The following PALLD variants were observed in gnomAD, a reference collection of about 807,000 sequenced individuals.
PALLD encodes palladin.
PALLD carries 61 observed loss-of-function variants against 123.5 expected under a neutral mutation model. The observed-to-expected ratio is 0.49, with a 90% CI of 0.40 to 0.61. The LOEUF (loss-of-function observed/expected upper bound fraction) is 0.61, where lower values mean the gene tolerates loss of function less well. Among genes scored for constraint, PALLD ranks in the 20% least tolerant of loss-of-function variants. The pLI, the probability that PALLD is intolerant of heterozygous loss-of-function variation, is 0.00. For synonymous variants in PALLD, 465 were observed against 496.4 expected, an observed-to-expected ratio of 0.94 and a Z score of 0.84; for missense variants, 1,273 against 1,377.0, an observed-to-expected ratio of 0.92 and a Z score of 1.20.
intron 10 of PALLD, among the ~76,000 whole-genome samples, chr4:168,782,926 CA>C (rs1489667055): frequency 6.7e-6 from 1 of 149,884 alleles, no homozygotes; most frequent in East Asian, 1.9e-4. Flanking sequence ...AAATAAAAAA[CA>C]ACAAAAAAAA....
At chr4:168,798,675 G>GA (rs1738860596) in intron 10 of PALLD, among the ~76,000 whole-genome samples, 1 of 152,064 alleles carries the variant, frequency 6.6e-6, no homozygotes, top group Non-Finnish European at 1.5e-5. Flanking sequence ...TTAAAAAGTG[G>GA]AACCGTATTG....
chr4:168,726,497 A>T (rs922415117), intron 10 of PALLD, among the ~76,000 whole-genome samples: 1 of 151,954 alleles, frequency 6.6e-6, no homozygotes, highest in African/African-American at 2.4e-5. Flanking sequence ...AGACATTTTT[A>T]ATTTTTTTCT....
intron 2 of PALLD, among the ~76,000 whole-genome samples, chr4:168,661,811 T>G (rs1779163118): frequency 6.6e-6 from 1 of 152,190 alleles, no homozygotes; most frequent in African/African-American, 2.4e-5. Flanking sequence ...ACTACGTGGT[T>G]TTTATTGTTT....
chr4:168,553,980 C>T (rs1580283556), intron 2 of PALLD, among the ~76,000 whole-genome samples: 1 of 152,138 alleles, frequency 6.6e-6, no homozygotes, highest in Admixed American at 6.5e-5. Flanking sequence ...AAAAACTGTT[C>T]ATTTACCACA....
rs776143139 is a variant in PALLD at position 168,903,886 on chromosome 4, A to G, written c.2602A>G (p.Ile868Val). The G allele has an allele frequency of 2.5e-6, 4 of 1,614,116 alleles. No homozygotes were observed. Among genetic ancestry groups the G allele is most frequent in the Admixed American group, 1.7e-5 (1 of 60,032 alleles). ...CCTAGATGATGATGGGAATTATACA[A>G]TTATGGCTGCAAACCCTCAGGTAAA... ...STLDDDGNYTIMAANPQGRIS... is the reference protein window; with the variant it reads ...STLDDDGNYTVMAANPQGRIS... The change falls in exon 15 of 22, where the codon ATT becomes GTT. Residue 868 changes from isoleucine to valine, a missense_variant. Physicochemically the swap from Ile to Val is conservative, Grantham distance 29. This residue lies in a region of PALLD where 329 missense variants were observed against 422.5 expected (regional missense o/e 0.78). Transcript: ENST00000505667.
chr4:168,716,079 T>A (rs535640203), intron 10 of PALLD, among the ~76,000 whole-genome samples: 1 of 152,344 alleles, frequency 6.6e-6, no homozygotes, highest in South Asian at 2.1e-4. Flanking sequence ...GTCATGTTTT[T>A]CCACTGAGCT....
chr4:168,759,192 AAAAAAAAAAAATAT>A (rs1386092587), intron 10 of PALLD, among the ~76,000 whole-genome samples: 2 of 36,350 alleles, frequency 5.5e-5, no homozygotes, highest in African/African-American at 2.8e-4. Context: ...AAAAAAAAAA[AAAAAAAAAAAATAT>A]ATATATATAT....
intron 14 of PALLD, among the ~76,000 whole-genome samples, chr4:168,902,369 TG>T (rs1553972426): frequency 6.6e-6 from 1 of 152,114 alleles, no homozygotes. Flanking sequence ...AGTCTGCAGG[TG>T]GGGTGATGTA....
intron 14 of PALLD, 48 bp from the exon 15 acceptor site, chr4:168,903,709 G>A (rs746241917): frequency 5.5e-6 from 8 of 1,457,352 alleles, no homozygotes; most frequent in Non-Finnish European, 6.7e-6. Context: ...TCCAAATAGA[G>A]TAGGAATACA....
In PALLD at chr4:168,690,643, T is replaced by G. The variant is rs1242422277; in HGVS notation, c.1376T>G (p.Val459Gly). ...NTAVAEGQVV[V>G]LECRVRGAPP... Reference sequence around the variant, plus strand: ...GCCGTGGCGGAAGGCCAGGTGGTGGTTCTGGAGTGCCGGGTCCGTGGGGCA... The same window carrying G: ...GCCGTGGCGGAAGGCCAGGTGGTGGGTCTGGAGTGCCGGGTCCGTGGGGCA... Residue 459 changes from valine to glycine, a missense_variant, in exon 7 of 22, where the codon GTT (valine) becomes GGT (glycine). Coordinates refer to ENST00000505667, the MANE Select transcript of PALLD (RefSeq NM_001166108.2). The G allele has an allele frequency of 6.8e-6, 11 of 1,614,078 alleles. No individual in the cohort carries two copies. The highest frequency in any genetic ancestry group is 1.3e-5 in the African/African-American group (1 of 74,932).
At chr4:168,811,416 T>C (rs1741096343) in intron 10 of PALLD, among the ~76,000 whole-genome samples, 1 of 152,166 alleles carries the variant, frequency 6.6e-6, no homozygotes, top group Admixed American at 6.5e-5. Context: ...AGGAAGTGTA[T>C]TTTTAATCAG....
chr4:168,732,485 C>T (rs889373451), intron 10 of PALLD, among the ~76,000 whole-genome samples: 8 of 152,186 alleles, frequency 5.3e-5, no homozygotes, highest in African/African-American at 1.9e-4. Flanking sequence ...CTCTTCCACT[C>T]TTGTTTCCTC....
chr4:168,532,452 T>TAGG (rs1211370755), intron 2 of PALLD, among the ~76,000 whole-genome samples: 2 of 152,176 alleles, frequency 1.3e-5, no homozygotes, highest in African/African-American at 4.8e-5. Context: ...AATGAATGAA[T>TAGG]AGGACCAATC....
rs187147896 is a variant in PALLD, at chr4:168,660,998, G to A, written c.909-7192G>A. 1.5e-3 allele frequency among the ~76,000 whole-genome samples: 233 copies of A among 151,508 alleles called. 1 individual carries two copies. Among genetic ancestry groups the A allele is most frequent in the African/African-American group, 4.9e-3 (202 of 41,282 alleles). On this transcript the variant is annotated intron_variant, in intron 2 of 21. Transcript: ENST00000505667. ...TGACTCACTGCAACCTTCACCTCCCGGGTTCACGCCATTCTCCTGCCTCAG... is the reference window on the plus strand; with the variant it reads ...TGACTCACTGCAACCTTCACCTCCCAGGTTCACGCCATTCTCCTGCCTCAG...
intron 2 of PALLD, among the ~76,000 whole-genome samples, chr4:168,534,228 G>A (rs1248819152): frequency 6.6e-6 from 1 of 152,170 alleles, no homozygotes; most frequent in Non-Finnish European, 1.5e-5. Context: ...CAAGTTCAAG[G>A]AAAAGATGGG....
At chr4:168,805,164 A>G (rs1209007997) in intron 10 of PALLD, among the ~76,000 whole-genome samples, 3 of 151,904 alleles carry the variant, frequency 2.0e-5, no homozygotes, top group Non-Finnish European at 4.4e-5. Flanking sequence ...AAGAAAAAAA[A>G]AAAGAGTTCC....
At chr4:168,680,279 A>C (rs1439020729) in intron 3 of PALLD, among the ~76,000 whole-genome samples, 2 of 151,554 alleles carry the variant, frequency 1.3e-5, no homozygotes, top group South Asian at 2.1e-4. Flanking sequence ...GGAGTTCGAG[A>C]CCAGCCTGGC....
intron 2 of PALLD, chr4:168,598,482 G>A (rs1456701370): frequency 1.8e-6 from 1 of 567,612 alleles, no homozygotes; most frequent in African/African-American, 1.9e-5. Flanking sequence ...TTAGCAGAGA[G>A]AGAAGAACTA....
chr4:168,783,821 T>C (rs1176324814), intron 10 of PALLD, among the ~76,000 whole-genome samples: 2 of 152,152 alleles, frequency 1.3e-5, no homozygotes, highest in Non-Finnish European at 2.9e-5. Flanking sequence ...AAAAACACTT[T>C]GATGATGTAG....
Sources: allele counts gnomAD v4.1 joint callset (sites outside exome capture counted in the v4.1 genomes callset), GRCh38; gene constraint gnomAD v4.1.1; regional missense constraint gnomAD v4.1.1; transcripts MANE v1.5; gene names NCBI Gene and HGNC (gene_info 2026-07-23, HGNC 2026-07-21).